DENND4C: variants seen among roughly 807,000 people sequenced by gnomAD.
DENND4C encodes the protein DENN domain-containing protein 4C.
Under a neutral mutation model 203.0 loss-of-function variants are expected in DENND4C, and 108 were observed. The observed-to-expected ratio is 0.53, with a 90% CI of 0.46 to 0.62. The LOEUF is 0.62. Ranked by LOEUF, DENND4C falls within the 20% of genes least tolerant of loss-of-function variation. The pLI is 0.00. For missense variants in DENND4C, 2,481 were observed against 2,301.2 expected, an observed-to-expected ratio of 1.08 and a Z score of -1.60; for synonymous variants, 871 against 792.4, an observed-to-expected ratio of 1.10 and a Z score of -1.67.
At chr9:19,369,646 A>G (rs982437932) in intron 30 of DENND4C, among the ~76,000 whole-genome samples, 191 bp from the exon 31 acceptor site, 2 of 151,898 alleles carry the variant, frequency 1.3e-5, no homozygotes, top group Admixed American at 1.3e-4. Flanking sequence ...ATACATCTGT[A>G]GTCCCAGCTA....
chr9:19,272,842 A>C (rs1338779586), intron 1 of DENND4C, among the ~76,000 whole-genome samples: 1 of 151,714 alleles, frequency 6.6e-6, no homozygotes, highest in Non-Finnish European at 1.5e-5. Context: ...ATCTTGGCTC[A>C]CTGCAGCCTC....
At chr9:19,240,006 G>A (rs7040288) in intron 1 of DENND4C, among the ~76,000 whole-genome samples, 132,874 of 152,176 alleles carry the variant, frequency 0.87, 58,073 homozygotes, top group Admixed American at 0.91. Context: ...TATTGCATCA[G>A]TGAGGAGTGT....
At position 19,286,804 on chromosome 9, in the gene DENND4C, G is replaced by A. The variant is rs974272477; in HGVS notation, c.341G>A (p.Gly114Glu). ...GAAGGGAAAGAACGGCTTATTCCAG[G>A]ATGTGAAGTGATCCTAGCCACACCC... Reference protein sequence around the residue: ...LYEGKERLIPGCEVILATPYG... With the variant: ...LYEGKERLIPECEVILATPYG... Residue 114 changes from glycine to glutamate, a missense_variant, in exon 3 of 33, where the codon GGA becomes GAA. Physicochemically the swap from Gly to Glu is moderately conservative, Grantham distance 98. Coordinates refer to ENST00000434457, the MANE Select transcript of DENND4C (RefSeq NM_001330640.2). The A allele has an allele frequency of 3.2e-6, 4 of 1,232,048 alleles. No homozygotes were observed. In the East Asian group the frequency reaches 1.3e-4, roughly 39 times the overall value. 76.3% of individuals were successfully genotyped at this position (1,232,048 alleles called of 1,614,324 possible).
intron 30 of DENND4C, among the ~76,000 whole-genome samples, chr9:19,368,514 CAT>C (rs1458206560): frequency 1.3e-5 from 2 of 152,220 alleles, no homozygotes; most frequent in South Asian, 4.1e-4. Context: ...ATTATTCTCT[CAT>C]ATGAAGTTAT....
At chr9:19,302,005 C>G (rs1353936161) in intron 9 of DENND4C, among the ~76,000 whole-genome samples, 1 of 152,078 alleles carries the variant, frequency 6.6e-6, no homozygotes, top group Non-Finnish European at 1.5e-5. Flanking sequence ...TTGTCAGAAT[C>G]GTGGTGGCCA....
intron 10 of DENND4C, among the ~76,000 whole-genome samples, chr9:19,308,232 A>G (rs892626945): frequency 1.3e-5 from 2 of 152,194 alleles, no homozygotes; most frequent in Non-Finnish European, 2.9e-5. Flanking sequence ...GTTGCTTGGT[A>G]GGGAATGAGC....
intron 31 of DENND4C, among the ~76,000 whole-genome samples, chr9:19,370,298 C>T (rs1379573735): frequency 1.3e-5 from 2 of 151,974 alleles, no homozygotes; most frequent in African/African-American, 4.8e-5. Flanking sequence ...CCCATCTCTA[C>T]AAAAAATAAT....
intron 2 of DENND4C, among the ~76,000 whole-genome samples, chr9:19,284,933 G>A (rs562302624): frequency 1.3e-5 from 2 of 152,118 alleles, no homozygotes; most frequent in South Asian, 2.1e-4. Context: ...TATTGGTACT[G>A]GATTTTGAGT....
chr9:19,239,510 G>A (rs577792227), intron 1 of DENND4C, among the ~76,000 whole-genome samples: 6 of 151,464 alleles, frequency 4.0e-5, no homozygotes, highest in East Asian at 3.9e-4. Flanking sequence ...TGTCACCCAG[G>A]CTGGAGTGCA....
Position 19,346,945 on chromosome 9 carries a change from T to A in DENND4C, c.4176T>A (p.Asn1392Lys), listed in dbSNP as rs777354958. 2 of 1,614,184 alleles carry A rather than the reference T, an allele frequency of 1.2e-6. No homozygotes were observed. Among genetic ancestry groups the A allele is most frequent in the Non-Finnish European group, 1.7e-6 (2 of 1,180,030 alleles). Residue 1392 changes from asparagine to lysine, a missense_variant, in exon 23 of 33, where the codon AAT becomes AAA. Asn to Lys is a moderately conservative substitution (Grantham distance 94, BLOSUM62 0). This residue lies in a region of DENND4C where 2,289 missense variants were observed against 2,113.3 expected (regional missense o/e 1.08). Coordinates refer to ENST00000434457, the MANE Select transcript of DENND4C (RefSeq NM_001330640.2). ...SPHGSLGSVV[N>K]SLSGLKLDNI... is the part of the protein sequence containing the mutation. ...ATGGCTCGTTGGGTTCTGTAGTAAATTCTTTGTCAGGGCTAAAGCTGGATA... is the reference window on the plus strand; with the variant it reads ...ATGGCTCGTTGGGTTCTGTAGTAAAATCTTTGTCAGGGCTAAAGCTGGATA...
intron 26 of DENND4C, among the ~76,000 whole-genome samples, chr9:19,354,665 C>T (rs960418580): frequency 6.6e-6 from 1 of 150,932 alleles, no homozygotes; most frequent in Non-Finnish European, 1.5e-5. Context: ...GATTCTCCTG[C>T]CTTAGCCTCC....
At position 19,336,752 on chromosome 9, in the gene DENND4C, A is replaced by G. The variant is rs1323640147; in HGVS notation, c.2801A>G (p.Asn934Ser). The G allele has an allele frequency of 1.3e-6, 2 of 1,550,934 alleles. No homozygotes were observed. Among genetic ancestry groups the G allele is most frequent in the African/African-American group, 2.7e-5 (2 of 73,054 alleles). The change falls in exon 20 of 33, where the codon AAT (asparagine) becomes AGT (serine). Residue 934 changes from asparagine to serine, a missense_variant. Around this residue, in one of 3 missense-constraint regions of DENND4C, gnomAD observed 2,289 missense variants for 2,113.3 expected, o/e 1.08. Transcript: ENST00000434457. ...AGCCACGGTAGTGTGGATAGTTCTA[A>G]TGATGCTAACAATGGGGAGCACACA... ...TVSHGSVDSS[N>S]DANNGEHTVF... is the part of the protein sequence containing the mutation.
intron 31 of DENND4C, among the ~76,000 whole-genome samples, chr9:19,370,447 C>T (rs1828586131): frequency 6.6e-6 from 1 of 151,420 alleles, no homozygotes; most frequent in East Asian, 1.9e-4. Context: ...ACAGCAAAAC[C>T]CTGTCTCAAA....
chr9:19,332,087 C>A lies in DENND4C; in HGVS notation c.2363C>A (p.Ala788Asp). 6.2e-7 allele frequency: 1 copy of A among 1,614,020 alleles called. No individual in the cohort carries two copies. The highest frequency in any genetic ancestry group is 8.5e-7 in the Non-Finnish European group (1 of 1,179,980). Residue 788 changes from alanine to aspartate, a missense_variant, in exon 17 of 33, where the codon GCC (alanine) becomes GAC (aspartate). Physicochemically the swap from Ala to Asp is moderately radical, Grantham distance 126. Coordinates refer to ENST00000434457, the MANE Select transcript of DENND4C (RefSeq NM_001330640.2). ...AGTTTATGGTTTATTTGTCTTCCGG[C>A]CTATGTTAGAGTTTCTCATCCTAAA... is the stretch of plus-strand genomic sequence containing the variant. ...CYSLWFICLPAYVRVSHPKVR... is the reference protein window; with the variant it reads ...CYSLWFICLPDYVRVSHPKVR...
intron 15 of DENND4C, among the ~76,000 whole-genome samples, chr9:19,327,532 T>A (rs1366590802): frequency 1.3e-5 from 2 of 152,036 alleles, no homozygotes; most frequent in Admixed American, 1.3e-4. Flanking sequence ...GATATACATA[T>A]GAAAATATTT....
rs1370794759 is a variant in DENND4C, at chr9:19,316,456, C to T, written c.1527C>T (p.Pro509=). Residue 509 remains proline (P), a synonymous_variant, in exon 11 of 33, where the codon CCC becomes CCT. Coordinates refer to ENST00000434457, the MANE Select transcript of DENND4C (RefSeq NM_001330640.2). The stretch of plus-strand genomic sequence containing the variant: ...AGAACATGAACTGGAAGCAACTTCC[C>T]AAAAAGCCGTGCAAAAATCTACTTA... ...EKKNMNWKQL[P]KKPCKNLLST... 6.2e-7 allele frequency: 1 copy of T among 1,613,708 alleles called. No homozygotes were observed. Among genetic ancestry groups the T allele is most frequent in the Admixed American group, 1.7e-5 (1 of 59,978 alleles).
chr9:19,273,214 G>A (rs1326159662), intron 1 of DENND4C, among the ~76,000 whole-genome samples: 1 of 151,732 alleles, frequency 6.6e-6, no homozygotes, highest in Admixed American at 6.6e-5. Flanking sequence ...GCCTCCCAAA[G>A]TGCTGGTATT....
At chr9:19,278,544 A>G (rs1564112817) in intron 2 of DENND4C, among the ~76,000 whole-genome samples, 1 of 152,142 alleles carries the variant, frequency 6.6e-6, no homozygotes, top group Non-Finnish European at 1.5e-5. Context: ...TGTTATAAAG[A>G]TCCTCATACT....
intron 30 of DENND4C, among the ~76,000 whole-genome samples, chr9:19,364,635 G>C (rs1827232842): frequency 6.6e-6 from 1 of 151,962 alleles, no homozygotes; most frequent in Non-Finnish European, 1.5e-5. Context: ...GCTCACGCCT[G>C]TAATCCCAGC....
Sources: gnomAD v4.1 joint callset for allele counts (sites outside exome capture counted in the v4.1 genomes callset) on GRCh38, gnomAD v4.1.1 for gene constraint, gnomAD v4.1.1 regional missense constraint, MANE v1.5 for transcripts, NCBI Gene and HGNC (gene_info 2026-07-23, HGNC 2026-07-21) for gene names.